BCKDK: variants seen among roughly 807,000 people sequenced by gnomAD.
BCKDK encodes the protein branched chain keto acid dehydrogenase kinase.
Under a neutral mutation model 43.9 loss-of-function variants are expected in BCKDK, and 28 were observed. That is an observed-to-expected ratio of 0.64 (90% CI 0.47 to 0.87). The LOEUF is 0.87. Ranked by LOEUF, BCKDK falls within the 40% of genes least tolerant of loss-of-function variation. BCKDK has a pLI of 0.00. For missense variants in BCKDK, 483 were observed against 581.4 expected (o/e 0.83, Z 1.74); for synonymous variants, 257 against 234.3 (o/e 1.10, Z -0.88).
rs546510364 is a variant in BCKDK at position 31,109,319 on chromosome 16, G to T, written c.96G>T (p.Thr32=). 6.2e-7 allele frequency: 1 copy of T among 1,608,622 alleles called. No individual in the cohort carries two copies. The highest frequency in any genetic ancestry group is 1.7e-5 in the Admixed American group (1 of 59,718). The part of the protein sequence containing the change: ...GPALALRARS[T]SATDTHHVEM... ...CACTCGCGCTCCGGGCCCGCTCGACGTCGGCCACCGACACACACCACGTGG... is the reference window on the plus strand; with the variant it reads ...CACTCGCGCTCCGGGCCCGCTCGACTTCGGCCACCGACACACACCACGTGG... The change falls in exon 2 of 12, where the codon ACG becomes ACT. Residue 32 remains threonine, a synonymous_variant. Transcript: ENST00000219794. The surrounding 1 kb of genome is among the most constrained non-coding windows in gnomAD (Gnocchi z 5.3).
rs1009047605 is a variant in BCKDK at position 31,109,864 on chromosome 16, G to C, written c.375+81G>C. On this transcript the variant is annotated intron_variant, in intron 4 of 11. Transcript: ENST00000219794. The surrounding 1 kb of genome is among the most constrained non-coding windows in gnomAD (Gnocchi z 5.3). ...GAGTCTGGGGCCCAGAGTGGCAGACGATTGCTTGCCTAAAGGTGTCAGGGC... is the reference window on the plus strand; with the variant it reads ...GAGTCTGGGGCCCAGAGTGGCAGACCATTGCTTGCCTAAAGGTGTCAGGGC... The C allele has an allele frequency of 8.1e-6, 12 of 1,485,018 alleles. No individual in the cohort carries two copies. The highest frequency in any genetic ancestry group is 1.1e-5 in the Non-Finnish European group (12 of 1,068,542). The allele number at this position is 1,485,018 out of a possible 1,614,324, so 92.0% of individuals were successfully genotyped here.
Position 31,109,468 on chromosome 16 carries a change from G to A in BCKDK, c.196-43G>A. ...GGGTCCGGGATGTAGGCGGGAGGGA[G>A]AGTGTTGGGGGTTCTCTGCTCAAGG... On this transcript the variant is annotated intron_variant, in intron 2 of 11. Coordinates refer to ENST00000219794, the MANE Select transcript of BCKDK (RefSeq NM_005881.4). The surrounding 1 kb of genome is among the most constrained non-coding windows in gnomAD (Gnocchi z 5.3). 6.2e-7 allele frequency: 1 copy of A among 1,613,576 alleles called. No individual in the cohort carries two copies. Among genetic ancestry groups the A allele is most frequent in the Non-Finnish European group, 8.5e-7 (1 of 1,179,860 alleles).
At chr16:31,117,266 A>G (rs1384010212), downstream of BCKDK, among the ~76,000 whole-genome samples, 1 of 150,816 alleles carries the variant, frequency 6.6e-6, no homozygotes, top group African/African-American at 2.4e-5. Flanking sequence ...GCTACCCGGG[A>G]GGCTGAGGCA....
chr16:31,113,789 A>G (rs1443536666), downstream of BCKDK, among the ~76,000 whole-genome samples: 1 of 151,918 alleles, frequency 6.6e-6, no homozygotes, highest in African/African-American at 2.4e-5. Flanking sequence ...GTGGGTTTTG[A>G]GCTGGGAAGG....
chr16:31,116,432 C>T (rs2057446324), downstream of BCKDK, among the ~76,000 whole-genome samples: 1 of 150,866 alleles, frequency 6.6e-6, no homozygotes, highest in Admixed American at 6.6e-5. Context: ...AGGATGGTCT[C>T]GATCTCCGCC....
Position 31,112,190 on chromosome 16 carries a change from C to A in BCKDK, c.1164C>A (p.Ser388=), listed in dbSNP as rs959968340. ...TCGGTGGGTCTCTGCAGCTGCAGTC[C>A]CTGCAGGGCATTGGCACGGACGTCT... The part of the protein sequence containing the change: ...EYLGGSLQLQ[S]LQGIGTDVYL... Residue 388 remains serine (S), a synonymous_variant, in exon 12 of 12, where the codon TCC becomes TCA. Transcript: ENST00000219794. This position sits in a 1 kb window ranked among gnomAD's most constrained non-coding sequence, Gnocchi z 5.0. 3 of 1,612,954 alleles carry A rather than the reference C, an allele frequency of 1.9e-6. No individual in the cohort carries two copies. The African/African-American group carries it at 4.0e-5, about 22-fold the overall frequency.
downstream of BCKDK, among the ~76,000 whole-genome samples, chr16:31,114,183 G>GT (rs571027601): frequency 2.0e-5 from 3 of 151,918 alleles, no homozygotes; most frequent in African/African-American, 7.3e-5. Context: ...CACCTACATT[G>GT]TTTTTTTGTT....
At chr16:31,117,398 A>AAATAAATT (rs377332555), downstream of BCKDK, 147 of 234,372 alleles carry the variant, frequency 6.3e-4, no homozygotes, top group African/African-American at 2.7e-3. Context: ...ATAAATAAAT[A>AAATAAATT]AATTAAAAAA....
At position 31,109,594 on chromosome 16, in the gene BCKDK, C is replaced by G; in HGVS notation, c.264+15C>G. On this transcript the variant is annotated intron_variant, in intron 3 of 11. Transcript: ENST00000219794. The surrounding 1 kb of genome is among the most constrained non-coding windows in gnomAD (Gnocchi z 5.3). ...GCCACCTTCTGGTAAGATTCACGCC[C>G]TCTATTTTCCTCGTGGATCCTGGAG... 1.2e-6 allele frequency: 2 copies of G among 1,614,046 alleles called. No homozygotes were observed. Among genetic ancestry groups the G allele is most frequent in the Non-Finnish European group, 1.7e-6 (2 of 1,179,982 alleles).
chr16:31,110,787 G>C lies in BCKDK; in HGVS notation c.716+26G>C. On this transcript the variant is annotated intron_variant, in intron 8 of 11. Coordinates refer to ENST00000219794, the MANE Select transcript of BCKDK (RefSeq NM_005881.4). This position sits in a 1 kb window ranked among gnomAD's most constrained non-coding sequence, Gnocchi z 5.4. The stretch of plus-strand genomic sequence containing the variant: ...GTGAGGCAAGAATGGCTCAGGGGGT[G>C]GGCAGACATCTGGGGCAGGGAAGGC... 1.2e-6 allele frequency: 2 copies of C among 1,609,028 alleles called. No individual in the cohort carries two copies. Among genetic ancestry groups the C allele is most frequent in the Non-Finnish European group, 1.7e-6 (2 of 1,175,392 alleles).
Position 31,112,369 on chromosome 16 carries a change from T to C in BCKDK, c.*104T>C, listed in dbSNP as rs1192914893. The stretch of plus-strand genomic sequence containing the variant: ...CCCCTGCTCCACACACTGCTGCATC[T>C]TGGGTCTCAGGGACCCAGACAGATG... On this transcript the variant is annotated 3_prime_UTR_variant, in exon 12 of 12. Transcript: ENST00000219794. The surrounding 1 kb of genome is among the most constrained non-coding windows in gnomAD (Gnocchi z 5.0). 2 of 1,553,656 alleles carry C rather than the reference T, an allele frequency of 1.3e-6. No individual in the cohort carries two copies. The highest frequency in any genetic ancestry group is 2.3e-5 in the South Asian group (2 of 88,854).
At chr16:31,117,120 C>T (rs1254685363), downstream of BCKDK, among the ~76,000 whole-genome samples, 1 of 152,034 alleles carries the variant, frequency 6.6e-6, no homozygotes, top group Non-Finnish European at 1.5e-5. Flanking sequence ...GCCTATAATC[C>T]CAGCACTTTG....
chr16:31,109,149 T>C lies in BCKDK; in HGVS notation c.-75T>C. On this transcript the variant is annotated 5_prime_UTR_variant, in exon 2 of 12. Transcript: ENST00000219794. The surrounding 1 kb of genome is among the most constrained non-coding windows in gnomAD (Gnocchi z 5.3). ...TACCCACCCACACCCCCTTGCCCCA[T>C]TTTGGGTCGCCTGGGTCCTCAGTCC... 1 of 974,240 alleles carries C rather than the reference T, an allele frequency of 1.0e-6. No homozygotes were observed. Among genetic ancestry groups the C allele is most frequent in the Non-Finnish European group, 1.4e-6 (1 of 732,502 alleles). 60.3% of individuals were successfully genotyped at this position (974,240 alleles called of 1,614,324 possible).
At chr16:31,115,358 G>T (rs1383286796), downstream of BCKDK, among the ~76,000 whole-genome samples, 1 of 152,014 alleles carries the variant, frequency 6.6e-6, no homozygotes. Context: ...GAGTAGCTGG[G>T]ATTACAGGCA....
At chr16:31,111,424 G>A in intron 10 of BCKDK, 35 bp downstream of exon 10, 1 of 1,598,878 alleles carries the variant, frequency 6.3e-7, no homozygotes, top group Middle Eastern at 1.7e-4. Flanking sequence ...TGAGGTGGAT[G>A]GGATGGGGGT....
In BCKDK at chr16:31,110,558, G is replaced by A; in HGVS notation, c.642+59G>A. ...CATTAAGTGAGACAGAGGAGACTGG[G>A]CTGGGGATCCGGGTCAAGGGCCTGG... is the stretch of plus-strand genomic sequence containing the variant. On this transcript the variant is annotated intron_variant, in intron 7 of 11. Transcript: ENST00000219794. This position sits in a 1 kb window ranked among gnomAD's most constrained non-coding sequence, Gnocchi z 5.4. The A allele has an allele frequency of 6.2e-7, 1 of 1,602,552 alleles. No individual in the cohort carries two copies. The highest frequency in any genetic ancestry group is 1.1e-5 in the South Asian group (1 of 90,832).
At position 31,109,647 on chromosome 16, in the gene BCKDK, C is replaced by T. The variant is rs1276217708; in HGVS notation, c.265-26C>T. On this transcript the variant is annotated intron_variant, in intron 3 of 11. Transcript: ENST00000219794. This position sits in a 1 kb window ranked among gnomAD's most constrained non-coding sequence, Gnocchi z 5.3. The stretch of plus-strand genomic sequence containing the variant: ...CTCCCAGACACTCAGGCTCCAGCCC[C>T]GCCTTCCCTTCTCATTTTCTCCCAG... The T allele has an allele frequency of 6.2e-7, 1 of 1,613,644 alleles. No individual in the cohort carries two copies. The highest frequency in any genetic ancestry group is 1.3e-5 in the African/African-American group (1 of 74,928).
chr16:31,112,945 G>A (rs983061327), downstream of BCKDK, among the ~76,000 whole-genome samples: 1 of 152,236 alleles, frequency 6.6e-6, no homozygotes, highest in Non-Finnish European at 1.5e-5. This position sits in a 1 kb window ranked among gnomAD's most constrained non-coding sequence, Gnocchi z 5.0. Context: ...CCAAGCCTGA[G>A]TAGGTTAAAA....
At position 31,112,503 on chromosome 16, in the gene BCKDK, C is replaced by T. The variant is rs557378137; in HGVS notation, c.*238C>T. On this transcript the variant is annotated 3_prime_UTR_variant, in exon 12 of 12. Transcript: ENST00000219794. The surrounding 1 kb of genome is among the most constrained non-coding windows in gnomAD (Gnocchi z 5.0). ...ACCCTGAGGCCTCCAGCACCAGTTC[C>T]GTCATTCTCGTTCCTGGGGAACCCC... The T allele has an allele frequency of 3.8e-5, 24 of 632,268 alleles. No homozygotes were observed. The highest frequency in any genetic ancestry group is 7.3e-5 in the South Asian group (4 of 54,640). 39.2% of individuals were successfully genotyped at this position (632,268 alleles called of 1,614,324 possible).
Sources: allele counts gnomAD v4.1 joint callset (sites outside exome capture counted in the v4.1 genomes callset), GRCh38; gene constraint gnomAD v4.1.1; non-coding constraint Gnocchi (gnomAD v3.1); transcripts MANE v1.5; gene names NCBI Gene and HGNC (gene_info 2026-07-23, HGNC 2026-07-21).